The following ARHGAP11B variants were observed in gnomAD, a reference collection of about 807,000 sequenced individuals.
ARHGAP11B encodes the protein inactive Rho GTPase-activating protein 11B.
ARHGAP11B carries 14 observed loss-of-function variants against 27.6 expected under a neutral mutation model. The observed-to-expected ratio is 0.51, with a 90% CI of 0.34 to 0.79. The LOEUF (loss-of-function observed/expected upper bound fraction) is 0.79, where lower values mean the gene tolerates loss of function less well. ARHGAP11B is among the 30% of genes least tolerant of loss of function. ARHGAP11B has a pLI of 0.02. For synonymous variants in ARHGAP11B, 82 were observed against 114.1 expected, an observed-to-expected ratio of 0.72 and a Z score of 1.80; for missense variants, 245 against 320.1, an observed-to-expected ratio of 0.77 and a Z score of 1.79.
intron 7 of ARHGAP11B, 93 bp downstream of exon 7, chr15:30,638,903 C>A (rs2060298250): frequency 1.4e-6 from 1 of 710,544 alleles, no homozygotes; most frequent in Non-Finnish European, 2.1e-6. Flanking sequence ...AATTGCCTAA[C>A]TTAGTAATCA....
At chr15:30,626,506 C>G (rs889249200) in exon 1 of ARHGAP11B, 1 of 377,970 alleles carries the variant, frequency 2.6e-6, no homozygotes, top group African/African-American at 2.1e-5. Flanking sequence ...GGCGAGAAAC[C>G]GAAAGAATCA....
exon 6 of ARHGAP11B, chr15:30,635,561 C>T: frequency 6.2e-7 from 1 of 1,613,148 alleles, no homozygotes; most frequent in Non-Finnish European, 8.5e-7. Flanking sequence ...TACTCCATCA[C>T]TGGAAGGCTT....
At chr15:30,648,875 T>G (rs1261106460) in exon 11 of ARHGAP11B, 2 of 152,072 alleles carry the variant, frequency 1.3e-5, no homozygotes, top group African/African-American at 4.8e-5. Flanking sequence ...TCTTGTAATG[T>G]TACTCTCCCA....
At chr15:30,646,628 A>G (rs1284013774) in intron 9 of ARHGAP11B, among the ~76,000 whole-genome samples, 3 of 150,830 alleles carry the variant, frequency 2.0e-5, no homozygotes, top group African/African-American at 7.3e-5. Flanking sequence ...GTGCCACTGC[A>G]CTCCAGCCTG....
chr15:30,633,525 A>T, exon 3 of ARHGAP11B: 1 of 1,613,442 alleles, frequency 6.2e-7, no homozygotes. Flanking sequence ...TTAGAAGAAC[A>T]TATTCATACC....
chr15:30,642,810 T>C (rs1250348101), intron 7 of ARHGAP11B, among the ~76,000 whole-genome samples: 1 of 152,058 alleles, frequency 6.6e-6, no homozygotes, highest in Non-Finnish European at 1.5e-5. Context: ...TAAGCTGACC[T>C]TTAATTGGCA....
intron 2 of ARHGAP11B, among the ~76,000 whole-genome samples, chr15:30,631,616 A>G (rs1006677293): frequency 7.9e-5 from 12 of 152,224 alleles, no homozygotes; most frequent in African/African-American, 2.9e-4. Context: ...GCAGTGAGCT[A>G]TGCTCATTGC....
intron 7 of ARHGAP11B, among the ~76,000 whole-genome samples, chr15:30,641,296 A>G (rs1422295389): frequency 6.6e-6 from 1 of 151,866 alleles, no homozygotes; most frequent in Admixed American, 6.6e-5. Flanking sequence ...TATAAAGACA[A>G]CATTAGTCTG....
At position 30,634,391 on chromosome 15, in the gene ARHGAP11B, C is replaced by T. The variant is rs752319675; in HGVS notation, c.519C>T (p.Tyr173=). 8.1e-6 allele frequency: 13 copies of T among 1,612,668 alleles called. 1 individual carries two copies. The highest frequency in any genetic ancestry group is 1.1e-5 in the Non-Finnish European group (13 of 1,179,458). ...ACCACACAGTTCATGTATTAAGATA[C>T]TTCTTTAACTTTCTCAGGAATGTTT... The change falls in exon 4 of 11, where the codon TAC becomes TAT. Residue 173 remains tyrosine, a synonymous_variant. Transcript: ENST00000428041.
At chr15:30,632,766 C>T (rs909465962) in intron 2 of ARHGAP11B, among the ~76,000 whole-genome samples, 6 of 151,650 alleles carry the variant, frequency 4.0e-5, no homozygotes, top group African/African-American at 1.5e-4. Context: ...TGGGATATAT[C>T]CTACTTTTCT....
chr15:30,644,337 T>C (rs1178815682), intron 7 of ARHGAP11B, among the ~76,000 whole-genome samples: 2 of 152,068 alleles, frequency 1.3e-5, no homozygotes, highest in Non-Finnish European at 2.9e-5. Context: ...CCAATAGATA[T>C]TTGTTGAATG....
intron 7 of ARHGAP11B, among the ~76,000 whole-genome samples, chr15:30,639,099 C>A (rs141443549): frequency 6.6e-6 from 1 of 151,788 alleles, no homozygotes; most frequent in Non-Finnish European, 1.5e-5. Context: ...TGCTATTGAA[C>A]GTGTGAAAAT....
At chr15:30,643,296 T>C (rs2060326051) in intron 7 of ARHGAP11B, among the ~76,000 whole-genome samples, 1 of 150,754 alleles carries the variant, frequency 6.6e-6, no homozygotes, top group Non-Finnish European at 1.5e-5. Context: ...TTTTTTTTTT[T>C]GAGATGAAGT....
chr15:30,638,678 A>G, intron 6 of ARHGAP11B, 68 bp from the exon 7 acceptor site: 1 of 983,954 alleles, frequency 1.0e-6, no homozygotes, highest in Non-Finnish European at 1.5e-6. Flanking sequence ...GACCGCAAAT[A>G]TTAATATGAA....
chr15:30,631,787 C>CTTTTTTTTTT (rs765025486), intron 2 of ARHGAP11B, among the ~76,000 whole-genome samples: 4 of 139,644 alleles, frequency 2.9e-5, no homozygotes, highest in South Asian at 2.3e-4. Flanking sequence ...ACCTTTTGTT[C>CTTTTTTTTTT]TTTTTTTTTT....
intron 2 of ARHGAP11B, among the ~76,000 whole-genome samples, chr15:30,631,762 T>C (rs1271258384): frequency 2.0e-5 from 3 of 152,186 alleles, no homozygotes; most frequent in African/African-American, 7.2e-5. Flanking sequence ...CTATGCCACT[T>C]ACTATTTATA....
At chr15:30,629,229 A>G (rs1249479223) in intron 1 of ARHGAP11B, among the ~76,000 whole-genome samples, 1 of 152,038 alleles carries the variant, frequency 6.6e-6, no homozygotes, top group Non-Finnish European at 1.5e-5. Flanking sequence ...TCAGCTGTTA[A>G]GTACAAGAGT....
intron 7 of ARHGAP11B, among the ~76,000 whole-genome samples, chr15:30,641,964 C>T (rs1045844961): frequency 2.0e-5 from 3 of 152,136 alleles, no homozygotes; most frequent in Middle Eastern, 3.4e-3. Flanking sequence ...AATCTGCCCT[C>T]CTCAGCCTCC....
chr15:30,644,401 GA>G (rs1171111687), intron 7 of ARHGAP11B, among the ~76,000 whole-genome samples: 1 of 151,974 alleles, frequency 6.6e-6, no homozygotes, highest in Non-Finnish European at 1.5e-5. Context: ...AGATAGGGGT[GA>G]ATTTTTTCTT....
Sources: allele counts gnomAD v4.1 joint callset (sites outside exome capture counted in the v4.1 genomes callset), GRCh38; gene constraint gnomAD v4.1.1; transcripts MANE v1.5; gene names NCBI Gene and HGNC (gene_info 2026-07-23, HGNC 2026-07-21).